CAGE1: variants seen among roughly 807,000 people sequenced by gnomAD.
The protein encoded by CAGE1 is cancer-associated gene 1 protein.
Under a neutral mutation model 94.9 loss-of-function variants are expected in CAGE1, and 66 were observed. That is an observed-to-expected ratio of 0.70 (90% confidence interval 0.57 to 0.85). The LOEUF is 0.85. Among genes scored for constraint, CAGE1 ranks in the 40% least tolerant of loss-of-function variants. The pLI is 0.00. For missense variants in CAGE1, 865 were observed against 950.4 expected (o/e 0.91, Z 1.18); for synonymous variants, 319 against 321.0 (o/e 0.99, Z 0.07).
At chr6:7,376,430 A>T (rs888047035) in intron 4 of CAGE1, among the ~76,000 whole-genome samples, 1 of 145,712 alleles carries the variant, frequency 6.9e-6, no homozygotes, top group Non-Finnish European at 1.5e-5. Context: ...ATAAATAAAT[A>T]AATAAAATAA....
intron 11 of CAGE1, chr6:7,341,354 G>T: frequency 1.4e-6 from 1 of 734,668 alleles, no homozygotes; most frequent in South Asian, 1.4e-5. Context: ...CATGGGTCCT[G>T]TTGTGATCAG....
At position 7,368,805 on chromosome 6, in the gene CAGE1, G is replaced by C. The variant is rs748823045; in HGVS notation, c.1894-7C>G. 26 of 1,496,384 alleles carry C rather than the reference G, an allele frequency of 1.7e-5. No homozygotes were observed. The highest frequency in any genetic ancestry group is 2.3e-5 in the Non-Finnish European group (26 of 1,113,524). The allele number at this position is 1,496,384 out of a possible 1,614,324, so 92.7% of individuals were successfully genotyped here. ...CATCAGAATTGATGATGTCCTAAGG[G>C]TAAGAGTTTCAGAAGCTAGATGAAA... On this transcript the variant is annotated splice_polypyrimidine_tract_variant and splice_region_variant and intron_variant, in intron 6 of 13. Coordinates refer to ENST00000502583, the MANE Select transcript of CAGE1 (RefSeq NM_001170692.2).
intron 7 of CAGE1, among the ~76,000 whole-genome samples, chr6:7,366,640 A>G (rs974449445): frequency 5.9e-5 from 9 of 152,118 alleles, no homozygotes; most frequent in African/African-American, 1.7e-4. Context: ...GTTGCAACTC[A>G]TTGCTGGGGG....
chr6:7,332,957 T>G (rs1439626920), intron 12 of CAGE1, among the ~76,000 whole-genome samples: 3 of 152,080 alleles, frequency 2.0e-5, no homozygotes, highest in Non-Finnish European at 4.4e-5. Flanking sequence ...TTTTTTTTCT[T>G]TTCTTTTCTT....
In CAGE1 at chr6:7,339,566, G is replaced by T; in HGVS notation, c.2370-5476C>A. On this transcript the variant is annotated intron_variant, in intron 11 of 13. Transcript: ENST00000502583. This position sits in a 1 kb window ranked among gnomAD's most constrained non-coding sequence, Gnocchi z 4.7. ...TCCTCTTCTTGGAAATTTGTAAGGC[G>T]ATCTTGCCGCCATGCTCCGCTGAAA... 2.6e-6 allele frequency: 2 copies of T among 766,068 alleles called. No homozygotes were observed. The highest frequency in any genetic ancestry group is 2.7e-5 in the South Asian group (2 of 72,932). The allele number at this position is 766,068 out of a possible 1,614,324, so 47.5% of individuals were successfully genotyped here.
chr6:7,374,062 C>A lies in CAGE1; in HGVS notation c.757G>T (p.Glu253Ter). 1 of 1,613,980 alleles carries A rather than the reference C, an allele frequency of 6.2e-7. No individual in the cohort carries two copies. The highest frequency in any genetic ancestry group is 8.5e-7 in the Non-Finnish European group (1 of 1,179,892). Residue 253 changes from glutamate (E) to a stop codon, truncating the protein, a stop_gained, in exon 5 of 14, where the codon GAA (glutamate) becomes TAA (stop). Transcript: ENST00000502583. LOFTEE classifies it high-confidence loss of function. ...CTCTCCACACCCTCTGCTGTGACTT[C>A]CTTTTCATAACTGACTGACATCTCA... ...IPEMSVSYEK[E>*]VTAEGVERPE...
chr6:7,351,770 A>G (rs1759775985), intron 11 of CAGE1, among the ~76,000 whole-genome samples: 1 of 152,196 alleles, frequency 6.6e-6, no homozygotes, highest in African/African-American at 2.4e-5. Context: ...AAAAGGATTT[A>G]AAACAAAAAT....
chr6:7,333,597 AAGAGTTTTTTT>A (rs1261153333), intron 12 of CAGE1, among the ~76,000 whole-genome samples: 4 of 98,372 alleles, frequency 4.1e-5, no homozygotes, highest in African/African-American at 2.7e-4. Flanking sequence ...AGATAAGGAA[AAGAGTTTTTTT>A]TTTTAAGTAT....
chr6:7,359,132 C>T (rs1404323204), intron 9 of CAGE1, among the ~76,000 whole-genome samples: 1 of 152,146 alleles, frequency 6.6e-6, no homozygotes, highest in Non-Finnish European at 1.5e-5. Context: ...CTGCAACCTC[C>T]TCCTCCCAGG....
In CAGE1 at chr6:7,373,592, T is replaced by C. The variant is rs763589050; in HGVS notation, c.1227A>G (p.Gln409=). ...SRNDKEMLQL[Q]FKKIKANYVC... ...CATAATTAGCCTTGATCTTCTTAAA[T>C]TGAAGCTGTAACATTTCCTTGTCAT... Residue 409 remains glutamine (Q), a synonymous_variant, in exon 5 of 14, where the codon CAA becomes CAG. Coordinates refer to ENST00000502583, the MANE Select transcript of CAGE1 (RefSeq NM_001170692.2). The C allele has an allele frequency of 6.2e-7, 1 of 1,613,506 alleles. No individual in the cohort carries two copies. Among genetic ancestry groups the C allele is most frequent in the Non-Finnish European group, 8.5e-7 (1 of 1,179,762 alleles).
intron 1 of CAGE1, among the ~76,000 whole-genome samples, chr6:7,388,328 G>A (rs118078706): frequency 6.6e-6 from 1 of 152,276 alleles, no homozygotes; most frequent in East Asian, 1.9e-4. Flanking sequence ...GCCCTGGCAC[G>A]TGCTTCTCTC....
At chr6:7,344,610 C>A (rs1460551367) in intron 11 of CAGE1, among the ~76,000 whole-genome samples, 1 of 147,474 alleles carries the variant, frequency 6.8e-6, no homozygotes, top group Non-Finnish European at 1.5e-5. Flanking sequence ...GGGCGTACGG[C>A]CCGAGACTGG....
At chr6:7,374,224 A>G in intron 4 of CAGE1, 93 bp from the exon 5 acceptor site, 2 of 1,015,366 alleles carry the variant, frequency 2.0e-6, no homozygotes, top group Non-Finnish European at 2.9e-6. Context: ...CTATTAGTAG[A>G]TCCCCTGTTT....
chr6:7,336,964 C>A (rs918839558), intron 11 of CAGE1, among the ~76,000 whole-genome samples: 17 of 152,026 alleles, frequency 1.1e-4, no homozygotes, highest in Admixed American at 5.9e-4. Context: ...TTATTGGATA[C>A]ACGATTTACA....
chr6:7,341,723 G>A (rs1759184678), intron 11 of CAGE1: 1 of 698,640 alleles, frequency 1.4e-6, no homozygotes. Context: ...AAGGGAGCAG[G>A]CGCCAGGAAG....
Position 7,350,300 on chromosome 6 carries a change from A to G in CAGE1, c.2369+4741T>C, listed in dbSNP as rs116499823. 6.1e-3 allele frequency among the ~76,000 whole-genome samples: 936 copies of G among 152,306 alleles called. 8 individuals carry two copies. Among genetic ancestry groups the G allele is most frequent in the African/African-American group, 0.022 (896 of 41,562 alleles). On this transcript the variant is annotated intron_variant, in intron 11 of 13. Coordinates refer to ENST00000502583, the MANE Select transcript of CAGE1 (RefSeq NM_001170692.2). ...AAGAAATGAGATAGATGGTAACACA[A>G]TAATACTGGGGGCTGGCTTCAATAC...
chr6:7,331,255 T>C, intron 12 of CAGE1: 1 of 614,688 alleles, frequency 1.6e-6, no homozygotes, highest in Non-Finnish European at 2.6e-6. Context: ...CTGTAATTAA[T>C]ATGACTGCCA....
chr6:7,368,795 T>C lies in CAGE1; in HGVS notation c.1897A>G (p.Ile633Val). 1 of 1,531,350 alleles carries C rather than the reference T, an allele frequency of 6.5e-7. No homozygotes were observed. The allele number at this position is 1,531,350 out of a possible 1,614,324, so 94.9% of individuals were successfully genotyped here. Residue 633 changes from isoleucine (I) to valine (V), a missense_variant, in exon 7 of 14, where the codon ATC becomes GTC. Coordinates refer to ENST00000502583, the MANE Select transcript of CAGE1 (RefSeq NM_001170692.2). The part of the protein sequence containing the change: ...LMVGLLTCQD[I>V]INSDAEHFKE... ...AAATGTTCAGCATCAGAATTGATGA[T>C]GTCCTAAGGGTAAGAGTTTCAGAAG... is the stretch of plus-strand genomic sequence containing the variant.
chr6:7,326,780 G>T lies in CAGE1; in HGVS notation c.*78C>A. The T allele has an allele frequency of 1.0e-6, 1 of 973,474 alleles. No individual in the cohort carries two copies. The highest frequency in any genetic ancestry group is 1.7e-6 in the Non-Finnish European group (1 of 602,194). 60.3% of individuals were successfully genotyped at this position (973,474 alleles called of 1,614,324 possible). A position where few individuals can be genotyped will look rare whatever the true frequency, so the allele number is the denominator to read the frequency against. On this transcript the variant is annotated 3_prime_UTR_variant, in exon 14 of 14. Coordinates refer to ENST00000502583, the MANE Select transcript of CAGE1 (RefSeq NM_001170692.2). ...TTTTAATATATCATCTGCATGGATTGATTTGGCTAGCATATGTAGTAATGA... is the reference window on the plus strand; with the variant it reads ...TTTTAATATATCATCTGCATGGATTTATTTGGCTAGCATATGTAGTAATGA...
Sources: allele counts gnomAD v4.1 joint callset (sites outside exome capture counted in the v4.1 genomes callset), GRCh38; gene constraint gnomAD v4.1.1; non-coding constraint Gnocchi (gnomAD v3.1); transcripts MANE v1.5; gene names NCBI Gene and HGNC (gene_info 2026-07-23, HGNC 2026-07-21).